DGLUCY: variants seen among roughly 807,000 people sequenced by gnomAD.
DGLUCY encodes D-glutamate cyclase.
In DGLUCY, 58 loss-of-function variants were observed where a neutral mutation model predicts 58.5. That is an observed-to-expected ratio of 0.99 (90% confidence interval 0.80 to 1.23). DGLUCY has a LOEUF of 1.23. DGLUCY is among the 50% of genes most tolerant of loss of function. The probability of loss-of-function intolerance (pLI) is 0.00; values close to 1 mark genes in which losing one functional copy is unlikely to be tolerated. For synonymous variants in DGLUCY, 325 were observed against 314.1 expected, an observed-to-expected ratio of 1.03 and a Z score of -0.37; for missense variants, 779 against 784.7, an observed-to-expected ratio of 0.99 and a Z score of 0.09.
chr14:91,204,370 A>T (rs930071605), intron 11 of DGLUCY, among the ~76,000 whole-genome samples: 9 of 152,184 alleles, frequency 5.9e-5, no homozygotes, highest in African/African-American at 9.6e-5. Context: ...AGTGAGCGGG[A>T]GCCACTGGAA....
intron 9 of DGLUCY, among the ~76,000 whole-genome samples, chr14:91,195,955 G>C (rs1008805583): frequency 1.3e-5 from 2 of 152,102 alleles, no homozygotes; most frequent in Non-Finnish European, 2.9e-5. Flanking sequence ...CAGGCATGAG[G>C]CACCCGTGCC....
upstream of DGLUCY, among the ~76,000 whole-genome samples, chr14:91,112,842 A>C (rs1192069513): frequency 6.6e-6 from 1 of 151,640 alleles, no homozygotes; most frequent in Non-Finnish European, 1.5e-5. Context: ...ACACGGTGAA[A>C]CCCTGTTTCT....
intron 9 of DGLUCY, among the ~76,000 whole-genome samples, chr14:91,194,071 T>C (rs2050063558): frequency 6.6e-6 from 1 of 152,146 alleles, no homozygotes; most frequent in African/African-American, 2.4e-5. Context: ...TTTTTACTAG[T>C]ATCCTATATC....
At chr14:91,126,416 A>G (rs57456676) in intron 1 of DGLUCY, 132 of 174,358 alleles carry the variant, frequency 7.6e-4, no homozygotes, top group African/African-American at 3.7e-3. Context: ...TCTTATAATT[A>G]CATGTGTTGG....
intron 13 of DGLUCY, among the ~76,000 whole-genome samples, chr14:91,223,227 A>T (rs988985723): frequency 9.9e-5 from 15 of 152,154 alleles, no homozygotes; most frequent in Non-Finnish European, 1.8e-4. Flanking sequence ...ACTCATCTAG[A>T]CTGTGAACCC....
chr14:91,159,790 G>A (rs1014492341), intron 2 of DGLUCY, among the ~76,000 whole-genome samples: 1 of 152,168 alleles, frequency 6.6e-6, no homozygotes, highest in African/African-American at 2.4e-5. Flanking sequence ...TCATTCGTCT[G>A]TTCATTCAAC....
At chr14:91,095,824 C>G (rs984827024) in intron 1 of DGLUCY, among the ~76,000 whole-genome samples, 33 of 144,664 alleles carry the variant, frequency 2.3e-4, no homozygotes, top group Admixed American at 2.3e-3. Context: ...TTCCCCAAAA[C>G]ACATCTTCTA....
At chr14:91,087,908 G>T (rs1263841281) in intron 1 of DGLUCY, among the ~76,000 whole-genome samples, 2 of 152,192 alleles carry the variant, frequency 1.3e-5, no homozygotes, top group Non-Finnish European at 2.9e-5. Flanking sequence ...CAGGGAACAA[G>T]AAATGCTTTT....
intron 1 of DGLUCY, among the ~76,000 whole-genome samples, chr14:91,124,643 C>G (rs563232670): frequency 6.6e-6 from 1 of 152,300 alleles, no homozygotes; most frequent in African/African-American, 2.4e-5. Flanking sequence ...AGAAACAAAT[C>G]AGCCTGTTTC....
At chr14:91,173,558 C>T (rs1014623835) in intron 6 of DGLUCY, 119 bp downstream of exon 6, 44 of 1,323,038 alleles carry the variant, frequency 3.3e-5, no homozygotes, top group Non-Finnish European at 4.1e-5. Context: ...CAGTGTCTCT[C>T]GCTCCTGCCC....
At chr14:91,075,742 C>A (rs1198919975) in intron 1 of DGLUCY, among the ~76,000 whole-genome samples, 2 of 146,082 alleles carry the variant, frequency 1.4e-5, no homozygotes, top group Non-Finnish European at 3.1e-5. Context: ...TCAGCACTAG[C>A]CCGGGTGGTT....
intron 1 of DGLUCY, among the ~76,000 whole-genome samples, chr14:91,115,550 A>G (rs2044877045): frequency 6.6e-6 from 1 of 152,150 alleles, no homozygotes; most frequent in African/African-American, 2.4e-5. Context: ...CAGCCTCCCA[A>G]GTAGCAGGGA....
At chr14:91,087,752 C>T (rs535431251) in intron 1 of DGLUCY, among the ~76,000 whole-genome samples, 4 of 152,134 alleles carry the variant, frequency 2.6e-5, no homozygotes, top group Non-Finnish European at 5.9e-5. Flanking sequence ...GTAGGGTGGA[C>T]GCGTCAGGTT....
chr14:91,076,097 A>G (rs912210074), intron 1 of DGLUCY, among the ~76,000 whole-genome samples: 5 of 150,532 alleles, frequency 3.3e-5, no homozygotes, highest in Non-Finnish European at 3.0e-5. Flanking sequence ...TGGGTGACAG[A>G]GTGAGACTCT....
chr14:91,176,480 TC>T (rs2048860699), intron 7 of DGLUCY, among the ~76,000 whole-genome samples: 1 of 152,184 alleles, frequency 6.6e-6, no homozygotes, highest in African/African-American at 2.4e-5. Flanking sequence ...CACCTTTGCC[TC>T]CCACAGTGCT....
chr14:91,167,841 G>A (rs2048370018), intron 4 of DGLUCY: 7 of 607,056 alleles, frequency 1.2e-5, no homozygotes, highest in Admixed American at 8.5e-5. Flanking sequence ...CTTTCCTATG[G>A]CACCAGCACA....
At chr14:91,215,340 A>G in intron 12 of DGLUCY, 65 bp from the exon 13 acceptor site, 1 of 1,546,094 alleles carries the variant, frequency 6.5e-7, no homozygotes. Flanking sequence ...TCTGCTTCCT[A>G]GAGGCAGGCT....
At chr14:91,218,179 G>A (rs1743166531) in intron 13 of DGLUCY, among the ~76,000 whole-genome samples, 1 of 152,172 alleles carries the variant, frequency 6.6e-6, no homozygotes, top group Admixed American at 6.5e-5. Flanking sequence ...GGGGCCCAGA[G>A]GGCCTTTTGT....
At position 91,108,526 on chromosome 14, in the gene DGLUCY, T is replaced by TGAGAGA. The variant is rs1194090963; in HGVS notation, c.-82+494_-82+499dup. 2.1e-3 allele frequency among the ~76,000 whole-genome samples: 112 copies of TGAGAGA among 52,172 alleles called. 3 individuals carry two copies. Among genetic ancestry groups the TGAGAGA allele is most frequent in the South Asian group, 0.014 (10 of 734 alleles). The allele number at this position is 52,172 out of a possible 152,430, so 34.2% of individuals were successfully genotyped here. ...GTGTGTGTGTGTGTGTGTGTGTGTG[T>TGAGAGA]GAGAGAGAGAGAGAGAGAGAGAGAG... On this transcript the variant is annotated intron_variant, in intron 1 of 4. Transcript: ENST00000518871.
Sources: gnomAD v4.1 joint callset for allele counts (sites outside exome capture counted in the v4.1 genomes callset) on GRCh38, gnomAD v4.1.1 for gene constraint, MANE v1.5 for transcripts, NCBI Gene and HGNC (gene_info 2026-07-23, HGNC 2026-07-21) for gene names.